The following ROBO1 variants were observed in gnomAD, a reference collection of about 807,000 sequenced individuals.
ROBO1 encodes the protein roundabout homolog 1.
Under a neutral mutation model 195.9 loss-of-function variants are expected in ROBO1, and 149 were observed. That is an observed-to-expected ratio of 0.76 (90% CI 0.67 to 0.87). The LOEUF (loss-of-function observed/expected upper bound fraction) is 0.87. Ranked by LOEUF, ROBO1 falls within the 40% of genes least tolerant of loss-of-function variation. The pLI is 0.00. For missense variants in ROBO1, 1,933 were observed against 2,068.3 expected (o/e 0.93, Z 1.27); for synonymous variants, 816 against 733.2 (o/e 1.11, Z -1.82).
intron 3 of ROBO1, chr3:79,018,512 A>C: frequency 6.2e-7 from 1 of 1,610,374 alleles, no homozygotes; most frequent in Non-Finnish European, 8.5e-7. Context: ...GAGGGAGTGG[A>C]AATAGGGTCC....
At position 79,554,884 on chromosome 3, in the gene ROBO1, TA is replaced by T. The variant is rs1437371707; in HGVS notation, c.88+34939del. On this transcript the variant is annotated intron_variant, in intron 2 of 30. Coordinates refer to ENST00000464233, the MANE Select transcript of ROBO1 (RefSeq NM_002941.4). ...ACTTACTGTGAGAAGTAACACAGAA[TA>T]AAGGTTGACAATTCTAACATCAATC... is the stretch of plus-strand genomic sequence containing the variant. Among the ~76,000 whole-genome samples, 3 of 152,190 alleles carry T rather than the reference TA, an allele frequency of 2.0e-5. No homozygotes were observed. The East Asian group carries it at 5.8e-4, about 29-fold the overall frequency.
chr3:79,376,302 A>G (rs1456545991), intron 2 of ROBO1, among the ~76,000 whole-genome samples: 1 of 152,120 alleles, frequency 6.6e-6, no homozygotes, highest in Non-Finnish European at 1.5e-5. Context: ...GGCATCTACA[A>G]TGCTTGTTTT....
chr3:79,235,401 T>A (rs1009012570), intron 2 of ROBO1, among the ~76,000 whole-genome samples: 9 of 134,872 alleles, frequency 6.7e-5, no homozygotes, highest in African/African-American at 2.5e-4. Flanking sequence ...GTAGATCCCC[T>A]CTCCAAAACA....
intron 1 of ROBO1, among the ~76,000 whole-genome samples, chr3:79,765,511 C>A (rs1576336253): frequency 6.6e-6 from 1 of 152,112 alleles, no homozygotes; most frequent in South Asian, 2.1e-4. Context: ...GTTACCAGTG[C>A]CTCCTCAAGA....
chr3:79,183,487 CAT>C (rs2081382772), intron 2 of ROBO1, among the ~76,000 whole-genome samples: 1 of 152,258 alleles, frequency 6.6e-6, no homozygotes, highest in Non-Finnish European at 1.5e-5. Context: ...TGGCTGGAAA[CAT>C]GTAGTTGAAT....
In ROBO1 at chr3:78,938,985, T is replaced by C. The variant is rs1022812671; in HGVS notation, c.173-58A>G. ...TCACTTGAAAACAGTTAATCGCTTATTTTTAAAGCATTGGCTTAACCATTA... is the reference window on the plus strand; with the variant it reads ...TCACTTGAAAACAGTTAATCGCTTACTTTTAAAGCATTGGCTTAACCATTA... On this transcript the variant is annotated intron_variant, in intron 3 of 30. Coordinates refer to ENST00000464233, the MANE Select transcript of ROBO1 (RefSeq NM_002941.4). 6 of 1,424,934 alleles carry C rather than the reference T, an allele frequency of 4.2e-6. No homozygotes were observed. The African/African-American group carries it at 5.7e-5, about 14-fold the overall frequency. The allele number at this position is 1,424,934 out of a possible 1,614,324, so 88.3% of individuals were successfully genotyped here.
chr3:79,184,539 C>T (rs1230251699), intron 2 of ROBO1, among the ~76,000 whole-genome samples: 1 of 152,092 alleles, frequency 6.6e-6, no homozygotes, highest in East Asian at 1.9e-4. Flanking sequence ...GAAAAGGCTC[C>T]TATTTCTCTT....
chr3:79,279,174 G>T (rs2031300716), intron 2 of ROBO1, among the ~76,000 whole-genome samples: 1 of 151,884 alleles, frequency 6.6e-6, no homozygotes, highest in Admixed American at 6.6e-5. Context: ...GCTGAGGCAG[G>T]AAAATAGCTG....
At chr3:79,436,442 C>A (rs1054730055) in intron 2 of ROBO1, among the ~76,000 whole-genome samples, 4 of 151,938 alleles carry the variant, frequency 2.6e-5, no homozygotes, top group African/African-American at 9.7e-5. Flanking sequence ...TATTTCACCG[C>A]AGATAGTTTT....
intron 2 of ROBO1, among the ~76,000 whole-genome samples, chr3:79,435,268 G>T (rs994954444): frequency 4.7e-4 from 71 of 152,076 alleles, no homozygotes; most frequent in African/African-American, 1.7e-3. Context: ...TGGGAGGTGG[G>T]TGAGAGGTGG....
chr3:78,626,555 A>C (rs1347985052), intron 26 of ROBO1, among the ~76,000 whole-genome samples: 3 of 152,204 alleles, frequency 2.0e-5, no homozygotes, highest in Non-Finnish European at 4.4e-5. Context: ...TACAGAAAAT[A>C]ATGTATACAT....
At chr3:79,268,294 T>TTA (rs1259024232) in intron 2 of ROBO1, among the ~76,000 whole-genome samples, 1 of 151,700 alleles carries the variant, frequency 6.6e-6, no homozygotes, top group Non-Finnish European at 1.5e-5. Flanking sequence ...AACACAAACC[T>TTA]TACTACAACA....
intron 2 of ROBO1, among the ~76,000 whole-genome samples, chr3:79,409,764 A>G (rs1050656206): frequency 1.3e-4 from 20 of 152,250 alleles, no homozygotes; most frequent in African/African-American, 4.8e-4. Flanking sequence ...GGAGACCACC[A>G]CAAAAATCAT....
At chr3:78,963,081 C>T (rs2041466147) in intron 3 of ROBO1, among the ~76,000 whole-genome samples, 2 of 145,098 alleles carry the variant, frequency 1.4e-5, no homozygotes, top group South Asian at 2.1e-4. Flanking sequence ...TACATGTGAT[C>T]TCATACTTGA....
At chr3:79,116,547 T>A (rs1437292144) in intron 3 of ROBO1, among the ~76,000 whole-genome samples, 2 of 148,894 alleles carry the variant, frequency 1.3e-5, no homozygotes. Flanking sequence ...TTTTTGACAG[T>A]CTCACTTTGT....
At chr3:78,650,888 T>G (rs1706605181) in intron 19 of ROBO1, among the ~76,000 whole-genome samples, 1 of 152,116 alleles carries the variant, frequency 6.6e-6, no homozygotes, top group South Asian at 2.1e-4. Context: ...CTTACAACCA[T>G]CTAACCTAAT....
rs758140840 is a variant in ROBO1, at chr3:78,740,442, TTTTCTTTTTTTC to T, written c.657+6289_657+6300del. ...GATTAAAAAGCAACTTATTTCTTATTTTTCTTTTTTTCTTTCTTTCTTTCTTTCTTTCTTTCT... is the reference window on the plus strand; with the variant it reads ...GATTAAAAAGCAACTTATTTCTTATTTTTCTTTCTTTCTTTCTTTCTTTCT... On this transcript the variant is annotated intron_variant, in intron 5 of 30. Transcript: ENST00000464233. Among the ~76,000 whole-genome samples the T allele has an allele frequency of 3.6e-4, 22 of 61,766 alleles. 1 individual carries two copies. Among genetic ancestry groups the T allele is most frequent in the South Asian group, 3.4e-3 (4 of 1,164 alleles). The allele number at this position is 61,766 out of a possible 152,430, so 40.5% of individuals were successfully genotyped here. A position where few individuals can be genotyped will look rare whatever the true frequency, so the allele number is the denominator to read the frequency against.
At chr3:79,544,928 G>C (rs7647105) in intron 2 of ROBO1, among the ~76,000 whole-genome samples, 43,595 of 151,788 alleles carry the variant, frequency 0.29, 6,829 homozygotes, top group Non-Finnish European at 0.35. Flanking sequence ...TTAACTAACA[G>C]GTTTTTCTGA....
At chr3:79,760,242 A>T in intron 1 of ROBO1, among the ~76,000 whole-genome samples, 1 of 138,390 alleles carries the variant, frequency 7.2e-6, no homozygotes, top group Non-Finnish European at 1.5e-5. Context: ...ATCTCAAAAA[A>T]AAAAAAAAAA....
Sources: gnomAD v4.1 joint callset for allele counts (sites outside exome capture counted in the v4.1 genomes callset) on GRCh38, gnomAD v4.1.1 for gene constraint, MANE v1.5 for transcripts, NCBI Gene and HGNC (gene_info 2026-07-23, HGNC 2026-07-21) for gene names.